LCORL: variants seen among roughly 807,000 people sequenced by gnomAD.
LCORL encodes the protein ligand-dependent nuclear receptor corepressor-like protein.
In LCORL, 41 loss-of-function variants were observed where a neutral mutation model predicts 141.8. The observed-to-expected ratio is 0.29, with a 90% CI of 0.23 to 0.38. The LOEUF (loss-of-function observed/expected upper bound fraction) is 0.38, where lower values mean the gene tolerates loss of function less well. Ranked by LOEUF, LCORL falls within the 10% of genes least tolerant of loss-of-function variation. The pLI, the probability that LCORL is intolerant of heterozygous loss-of-function variation, is 1.00. For missense variants in LCORL, 1,759 were observed against 2,035.0 expected (o/e 0.86, Z 2.61); for synonymous variants, 618 against 694.1 (o/e 0.89, Z 1.72).
chr4:17,969,397 C>A (rs954567428), intron 2 of LCORL, among the ~76,000 whole-genome samples: 2 of 152,066 alleles, frequency 1.3e-5, no homozygotes, highest in African/African-American at 4.8e-5. Flanking sequence ...GAGGTGGTTG[C>A]GAATTAAATT....
intron 5 of LCORL, among the ~76,000 whole-genome samples, chr4:17,902,498 T>C (rs544894956): frequency 1.6e-4 from 25 of 152,266 alleles, no homozygotes; most frequent in African/African-American, 4.6e-4. Context: ...TTAGCGGACA[T>C]AGAAATTTTT....
At chr4:17,881,654 TG>T (rs1577317606) in intron 6 of LCORL, 1 of 963,152 alleles carries the variant, frequency 1.0e-6, no homozygotes, top group East Asian at 1.2e-4. Context: ...AAAAGTGTTC[TG>T]TAAGTTTCCC....
intron 7 of LCORL, among the ~76,000 whole-genome samples, chr4:17,868,151 T>C (rs188841918): frequency 4.8e-4 from 73 of 152,154 alleles, no homozygotes; most frequent in Non-Finnish European, 6.0e-4. Flanking sequence ...ATCAGAGGAG[T>C]ATGTATGGTT....
At chr4:18,008,288 C>T (rs1210313489) in intron 1 of LCORL, among the ~76,000 whole-genome samples, 1 of 152,210 alleles carries the variant, frequency 6.6e-6, no homozygotes, top group Non-Finnish European at 1.5e-5. Context: ...TAATCCATCA[C>T]AGGGGAATCC....
intron 4 of LCORL, among the ~76,000 whole-genome samples, chr4:17,914,504 T>C (rs1733079084): frequency 6.6e-6 from 1 of 152,200 alleles, no homozygotes. Flanking sequence ...TACTATATTG[T>C]GGAATAAGTC....
intron 4 of LCORL, among the ~76,000 whole-genome samples, chr4:17,918,104 T>G (rs1423827166): frequency 6.6e-6 from 1 of 152,198 alleles, no homozygotes; most frequent in Admixed American, 6.5e-5. Flanking sequence ...ATTAGTTGAT[T>G]GATCACTAAG....
At chr4:17,936,157 G>C (rs1007457349) in intron 4 of LCORL, among the ~76,000 whole-genome samples, 2 of 151,954 alleles carry the variant, frequency 1.3e-5, no homozygotes, top group Admixed American at 1.3e-4. Context: ...GCTTGGTGTG[G>C]CAATTTTTAT....
At chr4:17,923,658 T>G (rs1317478645) in intron 4 of LCORL, among the ~76,000 whole-genome samples, 1 of 145,166 alleles carries the variant, frequency 6.9e-6, no homozygotes, top group Non-Finnish European at 1.5e-5. Context: ...TGCCCCACCC[T>G]CCCCCAAAAA....
Position 17,962,954 on chromosome 4 carries a change from T to A in LCORL, c.300+16A>T. 5 of 1,433,098 alleles carry A rather than the reference T, an allele frequency of 3.5e-6. No homozygotes were observed. Among genetic ancestry groups the A allele is most frequent in the Non-Finnish European group, 4.7e-6 (5 of 1,058,318 alleles). 88.8% of individuals were successfully genotyped at this position (1,433,098 alleles called of 1,614,324 possible). ...GTGCATTAGTTTAAAGATAATTTCATAGCACTAAAACTTACACTGACTGCT... is the reference window on the plus strand; with the variant it reads ...GTGCATTAGTTTAAAGATAATTTCAAAGCACTAAAACTTACACTGACTGCT... On this transcript the variant is annotated intron_variant, in intron 3 of 7. Coordinates refer to ENST00000635767, the Ensembl canonical transcript of LCORL.
intron 4 of LCORL, among the ~76,000 whole-genome samples, chr4:17,961,536 T>C (rs1224248231): frequency 6.6e-6 from 1 of 152,070 alleles, no homozygotes; most frequent in Non-Finnish European, 1.5e-5. Context: ...CTTTGCAATA[T>C]AATATTATAT....
At chr4:17,893,302 T>C (rs372296521) in intron 5 of LCORL, 2 of 810,708 alleles carry the variant, frequency 2.5e-6, no homozygotes, top group East Asian at 1.3e-4. Context: ...TTTAAAACCT[T>C]AGCTCAAGAA....
chr4:17,883,654 GCA>G (rs1727875715), intron 6 of LCORL: 1 of 1,442,970 alleles, frequency 6.9e-7, no homozygotes. Context: ...ACACACCTGT[GCA>G]CATACACACA....
chr4:18,005,922 G>C (rs1395390462), intron 1 of LCORL, among the ~76,000 whole-genome samples: 1 of 152,190 alleles, frequency 6.6e-6, no homozygotes, highest in African/African-American at 2.4e-5. Flanking sequence ...ACAGTCTTGG[G>C]GATTAACATT....
exon 7 of LCORL, chr4:17,877,843 G>A: frequency 8.1e-7 from 1 of 1,230,660 alleles, no homozygotes; most frequent in African/African-American, 1.6e-5. Flanking sequence ...TTCACTACTG[G>A]CTTAACGTGT....
In LCORL at chr4:18,006,660, G is replaced by A. The variant is rs145318011; in HGVS notation, c.154+14938C>T. ...CAGACAAGAGAAGAGAGCTTGTGCA[G>A]GGAAAGTCCCCTTTTTAAAACCATC... On this transcript the variant is annotated intron_variant, in intron 1 of 7. Transcript: ENST00000635767. Among the ~76,000 whole-genome samples, 365 of 152,216 alleles carry A rather than the reference G, an allele frequency of 2.4e-3. 2 individuals carry two copies. The Middle Eastern group carries it at 0.031, about 13-fold the overall frequency.
At chr4:17,978,461 T>C (rs764304019) in intron 1 of LCORL, among the ~76,000 whole-genome samples, 2 of 151,386 alleles carry the variant, frequency 1.3e-5, no homozygotes, top group Non-Finnish European at 2.9e-5. Flanking sequence ...TGGCCCAGAG[T>C]GGTGGCACAC....
At chr4:17,887,673 C>T (rs186921338) in intron 5 of LCORL, among the ~76,000 whole-genome samples, 237 of 152,190 alleles carry the variant, frequency 1.6e-3, no homozygotes, top group Non-Finnish European at 2.5e-3. Context: ...GCAAGAACTT[C>T]GCATTTCATT....
intron 7 of LCORL, among the ~76,000 whole-genome samples, chr4:17,847,199 T>A (rs1025917223): frequency 6.6e-6 from 1 of 152,202 alleles, no homozygotes; most frequent in Non-Finnish European, 1.5e-5. Flanking sequence ...AGCTCTCTAA[T>A]TCACTTGACA....
At position 17,887,373 on chromosome 4, in the gene LCORL, T is replaced by TA. The variant is rs201472134; in HGVS notation, c.683-1213dup. ...TGGAAAATAACACAGAGTAAGCTGA[T>TA]AGAGTAATGAGGGTGGGGCTGAGAA... On this transcript the variant is annotated intron_variant, in intron 5 of 7. Coordinates refer to ENST00000635767, the Ensembl canonical transcript of LCORL. Among the ~76,000 whole-genome samples the TA allele has an allele frequency of 5.2e-3, 789 of 152,144 alleles. 6 individuals are homozygous for TA. Among genetic ancestry groups the TA allele is most frequent in the African/African-American group, 0.018 (740 of 41,520 alleles).
Sources: gnomAD v4.1 joint callset for allele counts (sites outside exome capture counted in the v4.1 genomes callset) on GRCh38, gnomAD v4.1.1 for gene constraint, MANE v1.5 for transcripts, NCBI Gene and HGNC (gene_info 2026-07-23, HGNC 2026-07-21) for gene names.